Variants in ATP8A2 observed in about 807,000 individuals in gnomAD.
ATP8A2 encodes the protein ATPase phospholipid transporting 8A2.
In ATP8A2, 100 loss-of-function variants were observed where a neutral mutation model predicts 165.6. The observed-to-expected ratio is 0.60, with a 90% CI of 0.51 to 0.71. ATP8A2 has a LOEUF of 0.71. Ranked by LOEUF, ATP8A2 falls within the 30% of genes least tolerant of loss-of-function variation. The pLI, the probability that ATP8A2 is intolerant of heterozygous loss-of-function variation, is 0.00. For synonymous variants in ATP8A2, 543 were observed against 548.8 expected, an observed-to-expected ratio of 0.99 and a Z score of 0.15; for missense variants, 1,227 against 1,479.5, an observed-to-expected ratio of 0.83 and a Z score of 2.80.
intron 1 of ATP8A2, among the ~76,000 whole-genome samples, chr13:25,435,388 A>C (rs1327187221): frequency 6.6e-6 from 1 of 151,978 alleles, no homozygotes; most frequent in Non-Finnish European, 1.5e-5. Flanking sequence ...CAAAGTCCTG[A>C]GATTACAGGC....
intron 33 of ATP8A2, among the ~76,000 whole-genome samples, chr13:25,925,545 A>AC (rs1954577742): frequency 6.6e-6 from 1 of 152,006 alleles, no homozygotes; most frequent in South Asian, 2.1e-4. Context: ...CAAAAAAAAA[A>AC]AAAACAAAAT....
At chr13:25,713,689 G>A (rs1386884556) in intron 25 of ATP8A2, among the ~76,000 whole-genome samples, 1 of 152,142 alleles carries the variant, frequency 6.6e-6, no homozygotes, top group East Asian at 1.9e-4. Context: ...GTGTTCTTGA[G>A]ATGACTTTGA....
At chr13:25,596,064 G>A (rs1178869410) in intron 24 of ATP8A2, among the ~76,000 whole-genome samples, 2 of 152,146 alleles carry the variant, frequency 1.3e-5, no homozygotes, top group South Asian at 2.1e-4. Context: ...TGAGAGAAGA[G>A]GTTCTCTTAG....
chr13:26,024,640 G>T lies in ATP8A2; in HGVS notation c.*4655G>T, dbSNP rs1179401611. 1 of 152,200 alleles carries T rather than the reference G, an allele frequency of 6.6e-6. No individual in the cohort carries two copies. The highest frequency in any genetic ancestry group is 2.4e-5 in the African/African-American group (1 of 41,430). 9.4% of individuals were successfully genotyped at this position (152,200 alleles called of 1,614,324 possible). ...CTCCCAACTGAGGAGAGACAAAAGAGGGATTCTTTTTACACCCAGGCTGGC... is the reference window on the plus strand; with the variant it reads ...CTCCCAACTGAGGAGAGACAAAAGATGGATTCTTTTTACACCCAGGCTGGC... On this transcript the variant is annotated 3_prime_UTR_variant, in exon 37 of 37. Transcript: ENST00000381655.
intron 25 of ATP8A2, among the ~76,000 whole-genome samples, chr13:25,754,159 A>G (rs1236623395): frequency 6.6e-6 from 1 of 152,248 alleles, no homozygotes; most frequent in Non-Finnish European, 1.5e-5. Flanking sequence ...GTTTGTTGCC[A>G]TCTGCATAGC....
chr13:25,532,372 G>C (rs970035677), intron 5 of ATP8A2, 55 bp downstream of exon 5: 16 of 1,274,626 alleles, frequency 1.3e-5, no homozygotes, highest in Non-Finnish European at 1.7e-5. Context: ...AATAAGGCCT[G>C]CATTTAAGGA....
At chr13:26,000,310 G>C (rs905387179) in intron 35 of ATP8A2, among the ~76,000 whole-genome samples, 3 of 152,188 alleles carry the variant, frequency 2.0e-5, no homozygotes, top group Admixed American at 6.5e-5. Flanking sequence ...CCGGTCAGTT[G>C]TAACTATTGA....
At chr13:25,884,656 C>T (rs984945075) in intron 33 of ATP8A2, among the ~76,000 whole-genome samples, 13 of 152,182 alleles carry the variant, frequency 8.5e-5, no homozygotes, top group African/African-American at 2.7e-4. Flanking sequence ...AGGCAGTCCC[C>T]GCTGCTCTGA....
intron 30 of ATP8A2, among the ~76,000 whole-genome samples, chr13:25,847,323 G>A (rs1951890304): frequency 6.6e-6 from 1 of 152,170 alleles, no homozygotes; most frequent in Non-Finnish European, 1.5e-5. Context: ...CAAGATTTTT[G>A]TTTCTGTTTT....
At chr13:25,486,198 A>T (rs768822376) in intron 2 of ATP8A2, among the ~76,000 whole-genome samples, 67 of 152,190 alleles carry the variant, frequency 4.4e-4, no homozygotes, top group Admixed American at 2.6e-4. Flanking sequence ...GCAGTATTCC[A>T]AATATTTTTT....
intron 24 of ATP8A2, among the ~76,000 whole-genome samples, chr13:25,634,939 A>G (rs1369822194): frequency 6.6e-6 from 1 of 151,538 alleles, no homozygotes; most frequent in African/African-American, 2.4e-5. Flanking sequence ...ATTAGCAAGC[A>G]CTTTTTTTTG....
At chr13:25,641,479 A>G (rs2041519858) in intron 24 of ATP8A2, among the ~76,000 whole-genome samples, 1 of 152,214 alleles carries the variant, frequency 6.6e-6, no homozygotes, top group Admixed American at 6.5e-5. Flanking sequence ...ACAGAGAGCC[A>G]AATCATGTGT....
intron 1 of ATP8A2, among the ~76,000 whole-genome samples, chr13:25,439,144 G>A (rs1019931197): frequency 1.3e-5 from 2 of 152,200 alleles, no homozygotes; most frequent in African/African-American, 4.8e-5. Flanking sequence ...CAACATCCCT[G>A]AAGAAAACGT....
chr13:25,409,797 A>G (rs1035140492), intron 1 of ATP8A2, among the ~76,000 whole-genome samples: 1 of 152,096 alleles, frequency 6.6e-6, no homozygotes, highest in African/African-American at 2.4e-5. Flanking sequence ...CTTTTATGGC[A>G]GATAGTCGTG....
chr13:25,838,446 C>T (rs9581463), intron 29 of ATP8A2, among the ~76,000 whole-genome samples: 4,924 of 152,240 alleles, frequency 0.032, 276 homozygotes, highest in African/African-American at 0.11. Context: ...GACCCATTTT[C>T]ACTGCATTAT....
chr13:25,572,572 A>G (rs534274401), intron 18 of ATP8A2, among the ~76,000 whole-genome samples: 1 of 152,172 alleles, frequency 6.6e-6, no homozygotes. Context: ...ATTATATCAA[A>G]TAGGAGGTCA....
At chr13:25,787,064 T>C (rs113238630) in intron 27 of ATP8A2, among the ~76,000 whole-genome samples, 1,865 of 152,336 alleles carry the variant, frequency 0.012, 41 homozygotes, top group African/African-American at 0.042. Context: ...ATTACAGGCA[T>C]GAGCCACCGT....
chr13:25,833,849 G>T (rs1951539643), intron 28 of ATP8A2, among the ~76,000 whole-genome samples: 1 of 152,274 alleles, frequency 6.6e-6, no homozygotes, highest in East Asian at 1.9e-4. Context: ...TATGGCAAAA[G>T]AACCCATTTA....
intron 33 of ATP8A2, among the ~76,000 whole-genome samples, chr13:25,938,157 C>T (rs1219417573): frequency 6.8e-6 from 1 of 146,984 alleles, no homozygotes; most frequent in East Asian, 2.0e-4. Context: ...TGTAAATTTT[C>T]AACAGTGACC....
Sources: allele counts gnomAD v4.1 joint callset (sites outside exome capture counted in the v4.1 genomes callset), GRCh38; gene constraint gnomAD v4.1.1; transcripts MANE v1.5; gene names NCBI Gene and HGNC (gene_info 2026-07-23, HGNC 2026-07-21).